Variants in PCDHA6 observed in about 807,000 individuals in gnomAD.
PCDHA6 encodes protocadherin alpha-6.
In PCDHA6, 55 loss-of-function variants were observed where a neutral mutation model predicts 60.3. That is an observed-to-expected ratio of 0.91 (90% CI 0.73 to 1.14). PCDHA6 has a LOEUF of 1.14. PCDHA6 is among the 50% of genes most tolerant of loss of function. PCDHA6 has a pLI of 0.00. For missense variants in PCDHA6, 1,327 were observed against 1,256.5 expected, an observed-to-expected ratio of 1.06 and a Z score of -0.85; for synonymous variants, 652 against 557.9, an observed-to-expected ratio of 1.17 and a Z score of -2.38.
intron 1 of PCDHA6, chr5:140,852,642 A>T (rs2042423560): frequency 2.1e-6 from 2 of 960,454 alleles, no homozygotes; most frequent in African/African-American, 3.6e-5. Flanking sequence ...CTGTCATTAA[A>T]CCTATCTATA....
At chr5:140,848,630 G>T in intron 1 of PCDHA6, 1 of 1,593,376 alleles carries the variant, frequency 6.3e-7, no homozygotes, top group Non-Finnish European at 8.6e-7. Flanking sequence ...GCACCTTCGT[G>T]GGCCGCATCG....
intron 1 of PCDHA6, chr5:140,876,345 T>C (rs2056299947): frequency 6.2e-7 from 1 of 1,614,024 alleles, no homozygotes; most frequent in Non-Finnish European, 8.5e-7. Context: ...GTGAGAAATG[T>C]ATGTTTTCAA....
At chr5:140,884,634 G>A in intron 1 of PCDHA6, 1 of 1,612,414 alleles carries the variant, frequency 6.2e-7, no homozygotes, top group Non-Finnish European at 8.5e-7. Context: ...ACAGGCCAGA[G>A]GGAGGAGGAC....
Position 140,996,899 on chromosome 5 carries a change from C to T in PCDHA6, c.2543-12728C>T, listed in dbSNP as rs529654978. Among the ~76,000 whole-genome samples, 7 of 152,226 alleles carry T rather than the reference C, an allele frequency of 4.6e-5. No individual in the cohort carries two copies. The South Asian group carries it at 1.4e-3, about 32-fold the overall frequency. ...TGTATTTTTAAATAAAATAGAATTA[C>T]ATTGTTGAAGTAAATATTAAAAAAT... is the stretch of plus-strand genomic sequence containing the variant. On this transcript the variant is annotated intron_variant, in intron 3 of 3. Transcript: ENST00000529310.
intron 1 of PCDHA6, among the ~76,000 whole-genome samples, chr5:140,910,717 T>C (rs1349205242): frequency 1.3e-5 from 2 of 152,142 alleles, no homozygotes; most frequent in African/African-American, 4.8e-5. Flanking sequence ...CATCTTTTAA[T>C]CCATATTTCA....
chr5:141,010,089 G>T lies in PCDHA6; in HGVS notation c.*152G>T. On this transcript the variant is annotated 3_prime_UTR_variant, in exon 4 of 4. Coordinates refer to ENST00000529310, the MANE Select transcript of PCDHA6 (RefSeq NM_018909.4). The stretch of plus-strand genomic sequence containing the variant: ...AAAGTTCCCTGTGTCTGTCTAGAAC[G>T]CATTTAACAGGTTTTGTCGTAAAAG... 2 of 1,612,296 alleles carry T rather than the reference G, an allele frequency of 1.2e-6. No individual in the cohort carries two copies. Among genetic ancestry groups the T allele is most frequent in the East Asian group, 2.2e-5 (1 of 44,872 alleles).
chr5:140,882,169 C>A, intron 1 of PCDHA6: 1 of 1,511,484 alleles, frequency 6.6e-7, no homozygotes, highest in Non-Finnish European at 8.8e-7. Flanking sequence ...TCTTGCGAAT[C>A]CTTCCGCACT....
At chr5:140,902,687 T>C (rs552973135) in intron 1 of PCDHA6, among the ~76,000 whole-genome samples, 184 of 152,262 alleles carry the variant, frequency 1.2e-3, no homozygotes, top group African/African-American at 4.2e-3. Context: ...GTACCTAATA[T>C]GTGTAGTCTT....
chr5:140,850,784 T>C (rs2150498192), intron 1 of PCDHA6: 7 of 1,597,982 alleles, frequency 4.4e-6, no homozygotes, highest in South Asian at 1.1e-5. Flanking sequence ...CTGGCGAGGG[T>C]AAGCAGAAGA....
intron 1 of PCDHA6, among the ~76,000 whole-genome samples, chr5:140,839,681 GA>G (rs1261753126): frequency 6.6e-6 from 1 of 152,000 alleles, no homozygotes; most frequent in Non-Finnish European, 1.5e-5. Context: ...CAACTACAGA[GA>G]TTTTTTTGGG....
At chr5:140,949,963 A>G (rs1044562957) in intron 1 of PCDHA6, among the ~76,000 whole-genome samples, 1 of 151,750 alleles carries the variant, frequency 6.6e-6, no homozygotes, top group African/African-American at 2.4e-5. Context: ...TGCTGTAAGG[A>G]TTACAGCATA....
chr5:140,977,762 C>T (rs996806241), intron 1 of PCDHA6, among the ~76,000 whole-genome samples: 6 of 152,124 alleles, frequency 3.9e-5, no homozygotes, highest in Non-Finnish European at 5.9e-5. Context: ...TTATTAAATA[C>T]TTTGCATCCC....
rs1350835757 is a variant in PCDHA6, at chr5:141,010,856, A to G, written c.*919A>G. Reference sequence around the variant, plus strand: ...CATAGATTTATTTAAAAAAAGAGAAAGTCTATAGCTATAAATCTTTAAAGA... The same window carrying G: ...CATAGATTTATTTAAAAAAAGAGAAGGTCTATAGCTATAAATCTTTAAAGA... On this transcript the variant is annotated 3_prime_UTR_variant, in exon 4 of 4. Coordinates refer to ENST00000529310, the MANE Select transcript of PCDHA6 (RefSeq NM_018909.4). The G allele has an allele frequency of 1.3e-5, 2 of 153,800 alleles. No homozygotes were observed. Among genetic ancestry groups the G allele is most frequent in the African/African-American group, 2.4e-5 (1 of 41,464 alleles). The allele number at this position is 153,800 out of a possible 1,614,324, so 9.5% of individuals were successfully genotyped here. A position where few individuals can be genotyped will look rare whatever the true frequency, so the allele number is the denominator to read the frequency against.
Position 140,978,928 on chromosome 5 carries a change from ACT to A in PCDHA6, c.2395-16_2395-15del. ...CATTGTCTTGTCATTTTAACAGAAA[ACT>A]CTCTTTGTGATTTTGCAGCCACGAC... On this transcript the variant is annotated intron_variant, in intron 1 of 3. Coordinates refer to ENST00000529310, the MANE Select transcript of PCDHA6 (RefSeq NM_018909.4). The A allele has an allele frequency of 6.2e-7, 1 of 1,613,190 alleles. No homozygotes were observed. Among genetic ancestry groups the A allele is most frequent in the Admixed American group, 1.7e-5 (1 of 59,890 alleles).
intron 1 of PCDHA6, chr5:140,928,354 A>G: frequency 6.2e-7 from 1 of 1,614,150 alleles, no homozygotes; most frequent in Non-Finnish European, 8.5e-7. Flanking sequence ...GTTGGATGTT[A>G]TCTCTGAAGG....
chr5:140,981,794 T>G (rs1290588653), intron 2 of PCDHA6, among the ~76,000 whole-genome samples: 2 of 152,150 alleles, frequency 1.3e-5, no homozygotes, highest in Non-Finnish European at 2.9e-5. Flanking sequence ...CTCTTTTCCC[T>G]TGAACAGTTT....
intron 1 of PCDHA6, among the ~76,000 whole-genome samples, chr5:140,974,980 G>A (rs149148015): frequency 2.4e-4 from 36 of 152,208 alleles, no homozygotes; most frequent in Non-Finnish European, 5.0e-4. Context: ...TGAGTTGTCC[G>A]CTCAGGTATT....
chr5:140,941,701 C>T (rs1312324595), intron 1 of PCDHA6, among the ~76,000 whole-genome samples: 3 of 152,142 alleles, frequency 2.0e-5, no homozygotes, highest in Non-Finnish European at 4.4e-5. Context: ...TTGGGCTTAG[C>T]TTTCCTCCAC....
chr5:140,938,463 T>C (rs1399110046), intron 1 of PCDHA6, among the ~76,000 whole-genome samples: 1 of 152,216 alleles, frequency 6.6e-6, no homozygotes, highest in Non-Finnish European at 1.5e-5. Flanking sequence ...GTTTTTTAAT[T>C]TATTATGTTT....
Sources: allele counts gnomAD v4.1 joint callset (sites outside exome capture counted in the v4.1 genomes callset), GRCh38; gene constraint gnomAD v4.1.1; transcripts MANE v1.5; gene names NCBI Gene and HGNC (gene_info 2026-07-23, HGNC 2026-07-21).